The following MYO1E variants were observed in gnomAD, a reference collection of about 807,000 sequenced individuals.
MYO1E encodes unconventional myosin-Ie.
In MYO1E, 68 loss-of-function variants were observed where a neutral mutation model predicts 151.1. The observed-to-expected ratio is 0.45, with a 90% confidence interval of 0.37 to 0.55. The LOEUF is 0.55. Ranked by LOEUF, MYO1E falls within the 20% of genes least tolerant of loss-of-function variation. The pLI is 0.00. For missense variants in MYO1E, 1,363 were observed against 1,389.3 expected (o/e 0.98, Z 0.30); for synonymous variants, 601 against 501.7 (o/e 1.20, Z -2.64).
intron 6 of MYO1E, 25 bp downstream of exon 6, chr15:59,231,675 ACT>A: frequency 2.5e-6 from 4 of 1,607,796 alleles, no homozygotes; most frequent in Non-Finnish European, 3.4e-6. Flanking sequence ...ATCAAGCGAC[ACT>A]CTCTGAAACA....
chr15:59,163,838 T>C (rs964697840), intron 22 of MYO1E, among the ~76,000 whole-genome samples: 1 of 152,218 alleles, frequency 6.6e-6, no homozygotes, highest in Admixed American at 6.5e-5. Context: ...CAGTGCTCTG[T>C]GGACACTGTA....
chr15:59,199,802 G>A (rs2079789891), intron 16 of MYO1E, among the ~76,000 whole-genome samples: 1 of 152,160 alleles, frequency 6.6e-6, no homozygotes, highest in Admixed American at 6.5e-5. Flanking sequence ...CAGGGACATC[G>A]TTAAGATGAC....
At chr15:59,303,268 C>G (rs1032536633) in intron 1 of MYO1E, among the ~76,000 whole-genome samples, 1 of 152,026 alleles carries the variant, frequency 6.6e-6, no homozygotes, top group Admixed American at 6.6e-5. Flanking sequence ...AAAAATTGGC[C>G]GGGTGTGGTG....
intron 26 of MYO1E, 143 bp from the exon 27 acceptor site, chr15:59,138,510 A>G: frequency 1.1e-6 from 1 of 879,452 alleles, no homozygotes; most frequent in Non-Finnish European, 1.8e-6. Flanking sequence ...CCCAGGGTGC[A>G]GTCTTTAAAC....
At chr15:59,352,799 G>C (rs1285493274) in intron 1 of MYO1E, among the ~76,000 whole-genome samples, 1 of 152,094 alleles carries the variant, frequency 6.6e-6, no homozygotes, top group African/African-American at 2.4e-5. Flanking sequence ...AAGGCTCTAA[G>C]GTCTGCAGAA....
At chr15:59,358,646 A>G (rs1019739524) in intron 1 of MYO1E, among the ~76,000 whole-genome samples, 3 of 152,238 alleles carry the variant, frequency 2.0e-5, no homozygotes, top group African/African-American at 4.8e-5. Context: ...TTTCTAATTA[A>G]TATCAATGTA....
At chr15:59,302,239 G>A (rs539210862) in intron 1 of MYO1E, among the ~76,000 whole-genome samples, 1 of 152,180 alleles carries the variant, frequency 6.6e-6, no homozygotes, top group South Asian at 2.1e-4. Context: ...AAGATTTAGG[G>A]ACATGTCCAA....
Position 59,178,490 on chromosome 15 carries a change from T to TC in MYO1E, c.1951dup (p.Glu651GlyfsTer25). The TC allele has an allele frequency of 6.2e-7, 1 of 1,614,110 alleles. No homozygotes were observed. Among genetic ancestry groups the TC allele is most frequent in the South Asian group, 1.1e-5 (1 of 91,080 alleles). On this transcript the variant is annotated frameshift_variant, in exon 19 of 28. Coordinates refer to ENST00000288235, the MANE Select transcript of MYO1E (RefSeq NM_004998.4). LOFTEE classifies it high-confidence loss of function. ...CAGCAGGTGCAGGACGCCTTGCTTCTCCTCTCCCTGCCAAGAAGGCCAGGT... is the reference window on the plus strand; with the variant it reads ...CAGCAGGTGCAGGACGCCTTGCTTCTCCCTCTCCCTGCCAAGAAGGCCAGGT...
intron 11 of MYO1E, 78 bp from the exon 12 acceptor site, chr15:59,214,392 T>C: frequency 9.0e-7 from 1 of 1,106,508 alleles, no homozygotes; most frequent in South Asian, 1.3e-5. Context: ...TTTATTGAAA[T>C]GTCTTCATGT....
chr15:59,358,673 G>A (rs2080868120), intron 1 of MYO1E, among the ~76,000 whole-genome samples: 1 of 152,108 alleles, frequency 6.6e-6, no homozygotes, highest in Non-Finnish European at 1.5e-5. Context: ...CCAGGAAAAT[G>A]GGTTTTCAAT....
rs543592492 is a variant in MYO1E, at chr15:59,159,011, A to G, written c.2786-632T>C. Among the ~76,000 whole-genome samples the G allele has an allele frequency of 5.1e-4, 78 of 152,330 alleles. 1 individual carries two copies. The highest frequency in any genetic ancestry group is 1.7e-3 in the African/African-American group (70 of 41,576). Reference sequence around the variant, plus strand: ...AGAGGAGATCTCTGCAGAGACATCTATGTGGGGAAGAAAAACAATAGGGTC... The same window carrying G: ...AGAGGAGATCTCTGCAGAGACATCTGTGTGGGGAAGAAAAACAATAGGGTC... On this transcript the variant is annotated intron_variant, in intron 24 of 27. Transcript: ENST00000288235. This position sits in a 1 kb window ranked among gnomAD's most constrained non-coding sequence, Gnocchi z 4.4.
chr15:59,137,216 C>G lies in MYO1E; in HGVS notation c.*164G>C, dbSNP rs1596337214. On this transcript the variant is annotated 3_prime_UTR_variant, in exon 28 of 28. Transcript: ENST00000288235. ...ACTTATGGAGTGATACTCCCTGTCC[C>G]CAACCCAGCCTTTTCAGTGTCCTCC... 4.3e-6 allele frequency: 3 copies of G among 691,718 alleles called. No individual in the cohort carries two copies. The East Asian group carries it at 8.1e-5, about 19-fold the overall frequency. 42.8% of individuals were successfully genotyped at this position (691,718 alleles called of 1,614,324 possible).
chr15:59,363,926 C>T (rs1295882955), intron 1 of MYO1E, among the ~76,000 whole-genome samples: 1 of 152,142 alleles, frequency 6.6e-6, no homozygotes, highest in African/African-American at 2.4e-5. Flanking sequence ...AGGTGCCCGC[C>T]ACCCCACCCA....
intron 1 of MYO1E, among the ~76,000 whole-genome samples, chr15:59,339,449 T>C (rs568781894): frequency 9.8e-5 from 15 of 152,354 alleles, no homozygotes; most frequent in African/African-American, 2.6e-4. Flanking sequence ...TACTGTAGAA[T>C]TGGTATTTCT....
intron 8 of MYO1E, among the ~76,000 whole-genome samples, chr15:59,224,453 G>A (rs1322263238): frequency 2.0e-5 from 3 of 152,188 alleles, no homozygotes; most frequent in African/African-American, 4.8e-5. Context: ...CTCCTGCAGG[G>A]TGATAATGAT....
intron 19 of MYO1E, among the ~76,000 whole-genome samples, chr15:59,176,635 A>AT (rs550666773): frequency 1.4e-4 from 21 of 151,542 alleles, no homozygotes; most frequent in Non-Finnish European, 3.1e-4. Flanking sequence ...CTAATTTTAA[A>AT]TTTTTTTGTA....
At chr15:59,215,680 G>A (rs1403319025) in intron 10 of MYO1E, among the ~76,000 whole-genome samples, 3 of 152,160 alleles carry the variant, frequency 2.0e-5, no homozygotes, top group Non-Finnish European at 4.4e-5. Flanking sequence ...GTGAGCGAAT[G>A]AGTAATCATA....
intron 2 of MYO1E, among the ~76,000 whole-genome samples, chr15:59,269,019 A>C (rs2080274472): frequency 6.6e-6 from 1 of 151,982 alleles, no homozygotes; most frequent in Non-Finnish European, 1.5e-5. Context: ...TTCAAAATAT[A>C]ATTTGTACAA....
intron 17 of MYO1E, among the ~76,000 whole-genome samples, chr15:59,190,405 A>C (rs2079725785): frequency 6.6e-6 from 1 of 152,176 alleles, no homozygotes; most frequent in South Asian, 2.1e-4. Context: ...CCTCATTCCG[A>C]TGTCACGCAG....
Sources: allele counts gnomAD v4.1 joint callset (sites outside exome capture counted in the v4.1 genomes callset), GRCh38; gene constraint gnomAD v4.1.1; non-coding constraint Gnocchi (gnomAD v3.1); transcripts MANE v1.5; gene names NCBI Gene and HGNC (gene_info 2026-07-23, HGNC 2026-07-21).